Variants in PTPN4 observed in about 807,000 individuals in gnomAD.
The protein encoded by PTPN4 is tyrosine-protein phosphatase non-receptor type 4.
In PTPN4, 49 loss-of-function variants were observed where a neutral mutation model predicts 135.5. The ratio of observed to expected loss-of-function variants is 0.36; its 90% CI spans 0.29 to 0.46. The LOEUF (loss-of-function observed/expected upper bound fraction) is 0.46, where lower values mean the gene tolerates loss of function less well. Among genes scored for constraint, PTPN4 ranks in the 20% least tolerant of loss-of-function variants. The probability of loss-of-function intolerance (pLI) is 1.00; values close to 1 mark genes in which losing one functional copy is unlikely to be tolerated. For missense variants in PTPN4, 860 were observed against 1,101.0 expected (o/e 0.78, Z 3.10); for synonymous variants, 333 against 369.9 (o/e 0.90, Z 1.14).
chr2:119,835,548 T>G (rs1188979385), intron 2 of PTPN4, among the ~76,000 whole-genome samples: 2 of 152,268 alleles, frequency 1.3e-5, no homozygotes, highest in East Asian at 3.9e-4. Flanking sequence ...GATGTATTCC[T>G]ATGATGGATT....
chr2:119,807,757 G>C (rs188704282), intron 1 of PTPN4, among the ~76,000 whole-genome samples: 4 of 152,212 alleles, frequency 2.6e-5, no homozygotes, highest in Non-Finnish European at 5.9e-5. Flanking sequence ...CCAAAGCCTG[G>C]CAGAGACACA....
At chr2:119,951,399 T>C (rs1679209310) in intron 18 of PTPN4, among the ~76,000 whole-genome samples, 2 of 152,192 alleles carry the variant, frequency 1.3e-5, no homozygotes, top group Non-Finnish European at 1.5e-5. Flanking sequence ...ATTTAGGTTA[T>C]TCATTTTAAT....
chr2:119,905,600 G>A (rs914311742), intron 10 of PTPN4, among the ~76,000 whole-genome samples: 4 of 152,086 alleles, frequency 2.6e-5, no homozygotes, highest in East Asian at 1.9e-4. Flanking sequence ...TAATCTGCAC[G>A]GTAGACCAAA....
At chr2:119,763,941 G>A (rs954390252) in intron 1 of PTPN4, among the ~76,000 whole-genome samples, 1 of 152,180 alleles carries the variant, frequency 6.6e-6, no homozygotes, top group Non-Finnish European at 1.5e-5. Flanking sequence ...AAGTTGTTTA[G>A]TTCTGGGCTT....
chr2:119,798,684 ATT>A (rs892096847), intron 1 of PTPN4, among the ~76,000 whole-genome samples: 4 of 152,232 alleles, frequency 2.6e-5, no homozygotes. Context: ...AACTAAAAAT[ATT>A]GTGTTAGTTT....
chr2:119,825,495 CTTTT>C (rs891070534), intron 2 of PTPN4, among the ~76,000 whole-genome samples: 1 of 129,288 alleles, frequency 7.7e-6, no homozygotes, highest in Non-Finnish European at 1.6e-5. Flanking sequence ...GAACCCAAGC[CTTTT>C]TTTTTTTTTT....
At chr2:119,970,640 T>G (rs894889960) in intron 26 of PTPN4, among the ~76,000 whole-genome samples, 1 of 152,242 alleles carries the variant, frequency 6.6e-6, no homozygotes, top group Non-Finnish European at 1.5e-5. Flanking sequence ...TATTACTTTA[T>G]TCCTTTTTCT....
intron 2 of PTPN4, among the ~76,000 whole-genome samples, chr2:119,814,568 C>T (rs1346764168): frequency 1.3e-5 from 2 of 152,192 alleles, no homozygotes; most frequent in East Asian, 3.8e-4. Flanking sequence ...CTAGGCCTTT[C>T]TCACACTGTT....
In PTPN4 at chr2:119,809,932, A is replaced by G; in HGVS notation, c.79A>G (p.Thr27Ala). The part of the protein sequence containing the change: ...ASELARDRQH[T>A]EVVCNILLLD... ...AGAGTTGGCCCGAGACAGACAGCAT[A>G]CTGAAGTGGTTTGCAACATCCTTCT... Residue 27 changes from threonine (T) to alanine (A), a missense_variant, in exon 2 of 27, where the codon ACT becomes GCT. This residue lies in a region of PTPN4 where 684 missense variants were observed against 807.0 expected (regional missense o/e 0.85). Transcript: ENST00000263708. 1 of 1,613,768 alleles carries G rather than the reference A, an allele frequency of 6.2e-7. No homozygotes were observed. The highest frequency in any genetic ancestry group is 1.7e-5 in the Admixed American group (1 of 59,952).
intron 7 of PTPN4, 83 bp from the exon 8 acceptor site, chr2:119,882,420 T>C (rs989331593): frequency 3.1e-6 from 4 of 1,286,296 alleles, no homozygotes; most frequent in Non-Finnish European, 3.2e-6. Context: ...CATCCAGAAA[T>C]AGAATTAATG....
At position 119,875,778 on chromosome 2, in the gene PTPN4, A is replaced by G. The variant is rs1677975260; in HGVS notation, c.247-1545A>G. Among the ~76,000 whole-genome samples the G allele has an allele frequency of 2.0e-5, 3 of 152,304 alleles. No individual in the cohort carries two copies. The South Asian group carries it at 6.2e-4, about 32-fold the overall frequency. ...CTCATATTATGTCAAGCCCTGTGCTAGGTGCTGACTCTACAGTATTGACTG... is the reference window on the plus strand; with the variant it reads ...CTCATATTATGTCAAGCCCTGTGCTGGGTGCTGACTCTACAGTATTGACTG... On this transcript the variant is annotated intron_variant, in intron 3 of 26. Transcript: ENST00000263708.
At chr2:119,831,526 T>C (rs186124318) in intron 2 of PTPN4, among the ~76,000 whole-genome samples, 1 of 152,356 alleles carries the variant, frequency 6.6e-6, no homozygotes, top group East Asian at 1.9e-4. Flanking sequence ...TCTCCAACAT[T>C]CTTTTTAAAT....
intron 1 of PTPN4, among the ~76,000 whole-genome samples, chr2:119,808,543 A>G (rs1691523618): frequency 6.6e-6 from 1 of 152,204 alleles, no homozygotes; most frequent in Non-Finnish European, 1.5e-5. Flanking sequence ...TTCAAGGAGA[A>G]CTACAAACCA....
At chr2:119,947,588 G>A (rs773406116) in intron 18 of PTPN4, among the ~76,000 whole-genome samples, 8 of 151,986 alleles carry the variant, frequency 5.3e-5, no homozygotes, top group East Asian at 3.9e-4. Context: ...TAAAATCATC[G>A]ACTTTTCTGC....
At chr2:119,924,321 C>T (rs1027851400) in intron 12 of PTPN4, among the ~76,000 whole-genome samples, 25 of 151,292 alleles carry the variant, frequency 1.7e-4, no homozygotes, top group African/African-American at 5.1e-4. Context: ...TAATTTTTTT[C>T]GTTAAAAGTG....
At chr2:119,888,948 C>A (rs903697226) in intron 9 of PTPN4, among the ~76,000 whole-genome samples, 6 of 152,096 alleles carry the variant, frequency 3.9e-5, no homozygotes, top group African/African-American at 1.4e-4. Context: ...GCTTTGAATC[C>A]ATCTGGTCCT....
chr2:119,884,886 T>TG (rs1678132975), intron 8 of PTPN4, among the ~76,000 whole-genome samples: 1 of 152,150 alleles, frequency 6.6e-6, no homozygotes, highest in South Asian at 2.1e-4. Context: ...AATAGAAAGT[T>TG]TGTATCTTTG....
At chr2:119,761,822 TG>T (rs1217849944) in intron 1 of PTPN4, among the ~76,000 whole-genome samples, 1 of 152,206 alleles carries the variant, frequency 6.6e-6, no homozygotes, top group African/African-American at 2.4e-5. Flanking sequence ...ACCACTATTT[TG>T]TAGTTTTTAA....
chr2:119,863,134 T>G (rs1342400364), intron 3 of PTPN4, among the ~76,000 whole-genome samples: 2 of 152,140 alleles, frequency 1.3e-5, no homozygotes, highest in Non-Finnish European at 2.9e-5. Flanking sequence ...TTATTTGGCA[T>G]TAAATTTCTT....
Sources: gnomAD v4.1 joint callset for allele counts (sites outside exome capture counted in the v4.1 genomes callset) on GRCh38, gnomAD v4.1.1 for gene constraint, gnomAD v4.1.1 regional missense constraint, MANE v1.5 for transcripts, NCBI Gene and HGNC (gene_info 2026-07-23, HGNC 2026-07-21) for gene names.